The following CSMD2 variants were observed in gnomAD, a reference collection of about 807,000 sequenced individuals.
CSMD2 encodes CUB and Sushi multiple domains 2, also known as CUB and sushi domain-containing protein 2.
Under a neutral mutation model 398.5 loss-of-function variants are expected in CSMD2, and 130 were observed. The ratio of observed to expected loss-of-function variants is 0.33; its 90% CI spans 0.28 to 0.38. The LOEUF is 0.38. CSMD2 is among the 10% of genes least tolerant of loss of function. CSMD2 has a pLI of 1.00. For synonymous variants in CSMD2, 1,828 were observed against 1,908.5 expected (o/e 0.96, Z 1.10); for missense variants, 3,829 against 4,764.9 (o/e 0.80, Z 5.78).
chr1:34,112,829 T>C (rs1661222412), intron 1 of CSMD2: 1 of 152,176 alleles, frequency 6.6e-6, no homozygotes, highest in African/African-American at 2.4e-5. Context: ...AATGGATTTT[T>C]ACTAGGGCCT....
chr1:33,676,788 C>A (rs561401286), intron 25 of CSMD2, among the ~76,000 whole-genome samples: 14 of 152,160 alleles, frequency 9.2e-5, no homozygotes, highest in South Asian at 2.1e-4. Context: ...CAGAACAGAG[C>A]CCTCAGAAAT....
At chr1:33,553,451 A>C (rs1027269036) in intron 55 of CSMD2, among the ~76,000 whole-genome samples, 4 of 152,302 alleles carry the variant, frequency 2.6e-5, no homozygotes, top group African/African-American at 9.6e-5. Flanking sequence ...CCAACTGGCC[A>C]TTCCTTGTCT....
intron 3 of CSMD2, among the ~76,000 whole-genome samples, chr1:34,028,384 TC>T (rs1649964441): frequency 6.6e-6 from 1 of 152,174 alleles, no homozygotes; most frequent in African/African-American, 2.4e-5. Context: ...TATTCCCACT[TC>T]AAAAATTTGA....
rs1034198478 is a variant in CSMD2, at chr1:34,126,870, G to A, written c.188-37677C>T. On this transcript the variant is annotated intron_variant, in intron 1 of 70. Transcript: ENST00000373381. ...GGAGGGAATAGGGACACAGAGACAG[G>A]ACCCACAGAGACAGCCAGGTAGAAA... Among the ~76,000 whole-genome samples the A allele has an allele frequency of 3.3e-5, 5 of 151,590 alleles. No individual in the cohort carries two copies. The South Asian group carries it at 1.0e-3, about 32-fold the overall frequency.
At chr1:33,593,004 T>C (rs570745945) in intron 44 of CSMD2, among the ~76,000 whole-genome samples, 1 of 151,936 alleles carries the variant, frequency 6.6e-6, no homozygotes, top group African/African-American at 2.4e-5. Flanking sequence ...CTTAGCAGCA[T>C]TATTCACAAA....
At chr1:33,716,638 T>A (rs1237189527) in intron 19 of CSMD2, 137 bp from the exon 20 acceptor site, 2 of 644,256 alleles carry the variant, frequency 3.1e-6, no homozygotes. Context: ...CATTGACAAA[T>A]CATACAGGTG....
At chr1:33,904,566 GAGAT>G (rs1642962676) in intron 5 of CSMD2, among the ~76,000 whole-genome samples, 1 of 152,030 alleles carries the variant, frequency 6.6e-6, no homozygotes, top group Non-Finnish European at 1.5e-5. Context: ...AAAGGTACTA[GAGAT>G]AGATAGTGGT....
At chr1:33,960,867 G>C (rs1333163126) in intron 3 of CSMD2, among the ~76,000 whole-genome samples, 1 of 152,222 alleles carries the variant, frequency 6.6e-6, no homozygotes, top group Non-Finnish European at 1.5e-5. Flanking sequence ...TGGAATTAGT[G>C]AGTTATTGGG....
chr1:34,010,877 G>C (rs991140691), intron 3 of CSMD2, among the ~76,000 whole-genome samples: 51 of 152,088 alleles, frequency 3.4e-4, no homozygotes, highest in African/African-American at 1.2e-3. Flanking sequence ...TGCCCGCCTC[G>C]GCCTCCCAGA....
intron 2 of CSMD2, among the ~76,000 whole-genome samples, chr1:34,051,180 T>A (rs897896168): frequency 3.9e-5 from 6 of 152,208 alleles, no homozygotes; most frequent in Non-Finnish European, 8.8e-5. Flanking sequence ...GGCCTATGAT[T>A]AAGATCAATG....
chr1:33,818,376 T>C (rs1025000618), intron 9 of CSMD2, among the ~76,000 whole-genome samples: 9 of 152,316 alleles, frequency 5.9e-5, no homozygotes, highest in Admixed American at 5.9e-4. Flanking sequence ...CCTTGCCCTA[T>C]AGAGCTCATG....
intron 11 of CSMD2, among the ~76,000 whole-genome samples, chr1:33,791,902 C>A (rs1358481215): frequency 3.3e-5 from 5 of 152,214 alleles, no homozygotes; most frequent in African/African-American, 1.2e-4. Context: ...ATTCTCCTCT[C>A]CCTTGTCTGG....
intron 19 of CSMD2, among the ~76,000 whole-genome samples, chr1:33,719,948 T>C (rs1420337687): frequency 6.6e-6 from 1 of 152,180 alleles, no homozygotes. Flanking sequence ...CTCTGGGGTC[T>C]CAGCAAGGGC....
chr1:33,584,495 C>T (rs1456862890), intron 46 of CSMD2, among the ~76,000 whole-genome samples: 1 of 152,038 alleles, frequency 6.6e-6, no homozygotes, highest in Admixed American at 6.6e-5. Flanking sequence ...CATGGTGAAG[C>T]CCCATTTCTA....
intron 42 of CSMD2, among the ~76,000 whole-genome samples, chr1:33,603,177 G>C (rs1640344659): frequency 6.6e-6 from 1 of 152,114 alleles, no homozygotes; most frequent in Non-Finnish European, 1.5e-5. Flanking sequence ...AAACGATGCA[G>C]GCAAAATGTT....
intron 1 of CSMD2, among the ~76,000 whole-genome samples, chr1:34,098,034 C>A (rs1224941051): frequency 1.2e-5 from 1 of 86,630 alleles, no homozygotes; most frequent in African/African-American, 4.9e-5. Flanking sequence ...CAATGATAGA[C>A]TGGATTAAGA....
In CSMD2 at chr1:34,077,629, C is replaced by T. The variant is rs767579666; in HGVS notation, c.404+11348G>A. ...GCGGGCGCCTGTAGTCCCAGCTACT[C>T]GGGAGGCTGAGGCAAGAGAATGGTG... On this transcript the variant is annotated intron_variant, in intron 2 of 70. Transcript: ENST00000373381. 6.1e-5 allele frequency among the ~76,000 whole-genome samples: 9 copies of T among 147,920 alleles called. No individual in the cohort carries two copies. The Middle Eastern group carries it at 0.014, about 230-fold the overall frequency.
chr1:33,952,813 A>T (rs1400953810), intron 3 of CSMD2, among the ~76,000 whole-genome samples: 1 of 152,142 alleles, frequency 6.6e-6, no homozygotes, highest in Non-Finnish European at 1.5e-5. Context: ...GACACGCAAA[A>T]ACTATTTCTT....
intron 15 of CSMD2, among the ~76,000 whole-genome samples, chr1:33,729,883 C>T (rs531791481): frequency 7.6e-4 from 116 of 152,268 alleles, no homozygotes; most frequent in African/African-American, 2.8e-3. Flanking sequence ...AACTGCTGTG[C>T]AGAGGAATTT....
Sources: allele counts gnomAD v4.1 joint callset (sites outside exome capture counted in the v4.1 genomes callset), GRCh38; gene constraint gnomAD v4.1.1; transcripts MANE v1.5; gene names NCBI Gene and HGNC (gene_info 2026-07-23, HGNC 2026-07-21).